Variants in CILK1 observed in about 807,000 individuals in gnomAD.
CILK1 encodes ciliogenesis associated kinase 1, also known as serine/threonine-protein kinase ICK.
In CILK1, 47 loss-of-function variants were observed where a neutral mutation model predicts 79.2. That is an observed-to-expected ratio of 0.59 (90% CI 0.47 to 0.76). CILK1 has a LOEUF of 0.76. Ranked by LOEUF, CILK1 falls within the 30% of genes least tolerant of loss-of-function variation. The pLI, the probability that CILK1 is intolerant of heterozygous loss-of-function variation, is 0.00. For synonymous variants in CILK1, 266 were observed against 275.9 expected, an observed-to-expected ratio of 0.96 and a Z score of 0.36; for missense variants, 660 against 769.5, an observed-to-expected ratio of 0.86 and a Z score of 1.68.
intron 5 of CILK1, among the ~76,000 whole-genome samples, chr6:53,026,514 C>T: frequency 6.6e-6 from 1 of 152,314 alleles, no homozygotes; most frequent in Non-Finnish European, 1.5e-5. Context: ...AACAGTACTA[C>T]TATTAACACA....
intron 5 of CILK1, among the ~76,000 whole-genome samples, chr6:53,020,133 T>A (rs778316645): frequency 1.3e-5 from 2 of 152,188 alleles, no homozygotes; most frequent in Admixed American, 1.3e-4. Context: ...CTTTGCCTAG[T>A]GAGGAAGTAC....
intron 1 of CILK1, among the ~76,000 whole-genome samples, chr6:53,044,812 G>A (rs1420769668): frequency 6.6e-6 from 1 of 152,026 alleles, no homozygotes; most frequent in African/African-American, 2.4e-5. Flanking sequence ...AGCAAATGAC[G>A]ACACAGGAAA....
At chr6:53,018,211 C>G (rs990098173) in intron 7 of CILK1, 119 bp downstream of exon 7, 59 of 973,352 alleles carry the variant, frequency 6.1e-5, no homozygotes, top group Non-Finnish European at 9.3e-5. Flanking sequence ...TGACTGAGGT[C>G]AAGAGAAAGA....
intron 5 of CILK1, among the ~76,000 whole-genome samples, chr6:53,026,770 G>C (rs967978191): frequency 6.6e-6 from 1 of 152,148 alleles, no homozygotes; most frequent in African/African-American, 2.4e-5. Flanking sequence ...CAGAGATCAC[G>C]CAACAGCAAA....
chr6:53,009,396 G>A, intron 12 of CILK1, 43 bp downstream of exon 12: 1 of 1,602,692 alleles, frequency 6.2e-7, no homozygotes, highest in Non-Finnish European at 8.5e-7. Flanking sequence ...TGCATCCAGG[G>A]AATTTGCTTT....
At chr6:53,026,669 G>T (rs1398547200) in intron 5 of CILK1, among the ~76,000 whole-genome samples, 1 of 152,172 alleles carries the variant, frequency 6.6e-6, no homozygotes, top group East Asian at 1.9e-4. Context: ...TTCCAGTTCT[G>T]CTGGTGTGTG....
At chr6:53,025,424 G>A (rs559628403) in intron 5 of CILK1, among the ~76,000 whole-genome samples, 58 of 152,126 alleles carry the variant, frequency 3.8e-4, no homozygotes, top group South Asian at 6.2e-4. Context: ...TCCAGACCTC[G>A]TTCTTTGTTT....
chr6:53,045,204 T>G (rs1766980365), intron 1 of CILK1, among the ~76,000 whole-genome samples: 2 of 152,198 alleles, frequency 1.3e-5, no homozygotes, highest in African/African-American at 4.8e-5. Context: ...GTTCCTCCAC[T>G]TCATGATTAC....
chr6:53,040,593 A>C (rs1339730320), intron 2 of CILK1, among the ~76,000 whole-genome samples: 1 of 152,240 alleles, frequency 6.6e-6, no homozygotes, highest in Non-Finnish European at 1.5e-5. Context: ...AGAGATACTG[A>C]GGCAAAGAAC....
chr6:53,005,538 C>T (rs775665766), intron 13 of CILK1, among the ~76,000 whole-genome samples: 30 of 152,086 alleles, frequency 2.0e-4, no homozygotes, highest in Non-Finnish European at 4.1e-4. Context: ...TATAATTTGT[C>T]AGGATATCCT....
chr6:53,029,252 TCTC>T (rs1393567256), intron 5 of CILK1, among the ~76,000 whole-genome samples: 1 of 152,186 alleles, frequency 6.6e-6, no homozygotes, highest in Non-Finnish European at 1.5e-5. Context: ...AAGTGACCTT[TCTC>T]CTATTTGTCC....
chr6:53,009,479 T>C lies in CILK1; in HGVS notation c.1581A>G (p.Lys527=), dbSNP rs765565131. The change falls in exon 12 of 14, where the codon AAA becomes AAG. Residue 527 remains lysine (K), a synonymous_variant. Transcript: ENST00000676107. Reference sequence around the variant, plus strand: ...TGATTACTGACATTGTCCCTGAAGATTTTCCAGACAAGCCAGAACTAGACC... The same window carrying C: ...TGATTACTGACATTGTCCCTGAAGACTTTCCAGACAAGCCAGAACTAGACC... The part of the protein sequence containing the change: ...NPWSSSGLSG[K]SSGTMSVISK... 13 of 1,613,864 alleles carry C rather than the reference T, an allele frequency of 8.1e-6. No individual in the cohort carries two copies. The East Asian group carries it at 2.9e-4, about 36-fold the overall frequency.
intron 1 of CILK1, chr6:53,057,873 C>T (rs923276080): frequency 6.6e-6 from 1 of 152,116 alleles, no homozygotes; most frequent in Non-Finnish European, 1.5e-5. Flanking sequence ...ATCAAATGTT[C>T]CCCACGTGCT....
rs1430082737 is a variant in CILK1 at position 53,041,141 on chromosome 6, A to T, written c.96T>A (p.Ile32=). The change falls in exon 2 of 14, where the codon ATT becomes ATA. Residue 32 remains isoleucine, a synonymous_variant. Coordinates refer to ENST00000676107, the MANE Select transcript of CILK1 (RefSeq NM_014920.5). The part of the protein sequence containing the change: ...RSIESGELIA[I]KKMKRKFYSW... Reference sequence around the variant, plus strand: ...CAGTGAAGGATCAAACTTACTTTTTAATAGCGATCAGCTCCCCAGACTCAA... The same window carrying T: ...CAGTGAAGGATCAAACTTACTTTTTTATAGCGATCAGCTCCCCAGACTCAA... 1.9e-6 allele frequency: 3 copies of T among 1,607,656 alleles called. No individual in the cohort carries two copies. In the African/African-American group the frequency reaches 4.0e-5, roughly 21 times the overall value.
chr6:53,021,330 G>A (rs927972124), intron 5 of CILK1, among the ~76,000 whole-genome samples: 3 of 150,978 alleles, frequency 2.0e-5, no homozygotes, highest in African/African-American at 4.9e-5. Flanking sequence ...GTTTTGGAGC[G>A]GCGCGGGGGG....
At chr6:53,034,021 GGT>G (rs1003422600) in intron 3 of CILK1, among the ~76,000 whole-genome samples, 7 of 152,180 alleles carry the variant, frequency 4.6e-5, no homozygotes, top group Non-Finnish European at 7.3e-5. Flanking sequence ...TTGGATTCCT[GGT>G]TCTCCATGAG....
At chr6:53,050,093 A>T (rs536166819) in intron 1 of CILK1, among the ~76,000 whole-genome samples, 5 of 152,306 alleles carry the variant, frequency 3.3e-5, no homozygotes, top group African/African-American at 1.2e-4. Flanking sequence ...ATGTTAATAC[A>T]TCCTTCTTTG....
chr6:53,031,144 T>C lies in CILK1; in HGVS notation c.279A>G (p.Arg93=). 6.3e-7 allele frequency: 1 copy of C among 1,591,588 alleles called. No individual in the cohort carries two copies. The highest frequency in any genetic ancestry group is 8.6e-7 in the Non-Finnish European group (1 of 1,160,008). ...KENLYQLIKE[R]NKLFPESAIR... ...TAGCAGACTCAGGAAACAACTTATTTCTGTATGAGGCAGAGGAAAACAAAG... is the reference window on the plus strand; with the variant it reads ...TAGCAGACTCAGGAAACAACTTATTCCTGTATGAGGCAGAGGAAAACAAAG... The change falls in exon 5 of 14, where the codon AGA becomes AGG. Residue 93 remains arginine (R), a splice_region_variant and synonymous_variant. Coordinates refer to ENST00000676107, the MANE Select transcript of CILK1 (RefSeq NM_014920.5).
intron 1 of CILK1, among the ~76,000 whole-genome samples, chr6:53,041,794 C>T (rs1327961325): frequency 3.3e-5 from 5 of 152,058 alleles, no homozygotes; most frequent in African/African-American, 4.8e-5. Flanking sequence ...GTGAATGTGC[C>T]CTGCAATTGG....
Sources: gnomAD v4.1 joint callset for allele counts (sites outside exome capture counted in the v4.1 genomes callset) on GRCh38, gnomAD v4.1.1 for gene constraint, MANE v1.5 for transcripts, NCBI Gene and HGNC (gene_info 2026-07-23, HGNC 2026-07-21) for gene names.